The following MAML2 variants were observed in gnomAD, a reference collection of about 807,000 sequenced individuals.
The protein encoded by MAML2 is mastermind-like protein 2.
MAML2 carries 22 observed loss-of-function variants against 96.1 expected under a neutral mutation model. The observed-to-expected ratio is 0.23, with a 90% CI of 0.16 to 0.33. The LOEUF is 0.33. Among genes scored for constraint, MAML2 ranks in the 10% least tolerant of loss-of-function variants. MAML2 has a pLI of 1.00. For missense variants in MAML2, 1,367 were observed against 1,392.4 expected (o/e 0.98, Z 0.29); for synonymous variants, 561 against 521.3 (o/e 1.08, Z -1.04).
intron 2 of MAML2, among the ~76,000 whole-genome samples, chr11:96,057,851 A>G (rs778945214): frequency 7.2e-5 from 11 of 152,232 alleles, no homozygotes; most frequent in Admixed American, 1.3e-4. Context: ...ACTGAGAGTG[A>G]TCTTTAAGGA....
At position 95,979,375 on chromosome 11, in the gene MAML2, G is replaced by A. The variant is rs773951273; in HGVS notation, c.3044C>T (p.Ala1015Val). The A allele has an allele frequency of 1.9e-6, 3 of 1,613,590 alleles. No homozygotes were observed. Among genetic ancestry groups the A allele is most frequent in the African/African-American group, 2.7e-5 (2 of 74,908 alleles). Residue 1015 changes from alanine to valine, a missense_variant, in exon 5 of 5, where the codon GCT becomes GTT. By Grantham distance (64) the Ala-to-Val change is moderately conservative (BLOSUM62 0). Coordinates refer to ENST00000524717, the MANE Select transcript of MAML2 (RefSeq NM_032427.4). Reference protein sequence around the residue: ...GSQQFSQRAVAPPNQLTPAVQ... With the variant: ...GSQQFSQRAVVPPNQLTPAVQ... ...TGCTGGTGTTAACTGGTTAGGAGGA[G>A]CCACTGCCCTCTGGGAAAATTGCTG...
At chr11:96,155,484 A>C (rs1860994361) in intron 1 of MAML2, among the ~76,000 whole-genome samples, 1 of 128,842 alleles carries the variant, frequency 7.8e-6, no homozygotes, top group Non-Finnish European at 1.6e-5. Flanking sequence ...AATACTACCC[A>C]CCTCATGGGC....
chr11:95,993,785 C>A (rs1197288098), intron 2 of MAML2, among the ~76,000 whole-genome samples: 1 of 152,188 alleles, frequency 6.6e-6, no homozygotes, highest in Non-Finnish European at 1.5e-5. Flanking sequence ...ACAGAGCTCA[C>A]CAGCTGCCTC....
chr11:96,100,745 T>C (rs1859913979), intron 1 of MAML2, among the ~76,000 whole-genome samples: 2 of 149,412 alleles, frequency 1.3e-5, no homozygotes, highest in South Asian at 2.1e-4. Context: ...CTTTTTTTTT[T>C]TTCTTTTTTT....
At chr11:95,991,928 C>T (rs1022501897) in intron 2 of MAML2, among the ~76,000 whole-genome samples, 4 of 152,082 alleles carry the variant, frequency 2.6e-5, no homozygotes, top group Non-Finnish European at 5.9e-5. Context: ...GGGTTAATGA[C>T]ATTAGGGCAC....
At chr11:96,233,414 T>C (rs368399400) in intron 1 of MAML2, among the ~76,000 whole-genome samples, 1 of 134,824 alleles carries the variant, frequency 7.4e-6, no homozygotes, top group South Asian at 2.3e-4. Context: ...TTTTTTTTTT[T>C]CTTAATTTAA....
At chr11:96,291,113 GC>G (rs1863202098) in intron 1 of MAML2, among the ~76,000 whole-genome samples, 2 of 121,878 alleles carry the variant, frequency 1.6e-5, no homozygotes, top group South Asian at 2.8e-4. Flanking sequence ...TTTTTCACAA[GC>G]CTTTTTTTTT....
intron 1 of MAML2, among the ~76,000 whole-genome samples, chr11:96,334,558 C>T (rs1863892779): frequency 1.3e-5 from 2 of 152,300 alleles, no homozygotes; most frequent in South Asian, 2.1e-4. Context: ...CCTCCTTACA[C>T]AAGCCAACTG....
At chr11:96,135,907 T>C (rs550787354) in intron 1 of MAML2, among the ~76,000 whole-genome samples, 1 of 152,124 alleles carries the variant, frequency 6.6e-6, no homozygotes, top group East Asian at 1.9e-4. Flanking sequence ...GTGGACTCCT[T>C]GCACCCAGCT....
intron 1 of MAML2, among the ~76,000 whole-genome samples, chr11:96,180,209 G>C (rs1210040995): frequency 6.6e-6 from 1 of 152,074 alleles, no homozygotes; most frequent in Non-Finnish European, 1.5e-5. Flanking sequence ...TTTTCTAAAG[G>C]ACCACAGCAA....
intron 2 of MAML2, among the ~76,000 whole-genome samples, chr11:96,014,834 A>G (rs1858317934): frequency 6.6e-6 from 1 of 152,134 alleles, no homozygotes; most frequent in Admixed American, 6.5e-5. Context: ...ACATTGAAGC[A>G]ATTTCCAAAT....
intron 1 of MAML2, among the ~76,000 whole-genome samples, chr11:96,291,027 G>GA (rs57652535): frequency 6.9e-6 from 1 of 145,834 alleles, no homozygotes; most frequent in South Asian, 2.2e-4. Context: ...AAAAAAACTT[G>GA]AAAAAAAGTT....
chr11:96,062,429 G>T (rs1458169000), intron 2 of MAML2, among the ~76,000 whole-genome samples: 2 of 152,170 alleles, frequency 1.3e-5, no homozygotes, highest in African/African-American at 4.8e-5. Flanking sequence ...AGCTTACATA[G>T]GCATCCAGCT....
rs146167503 is a variant in MAML2, at chr11:95,985,435, T to C, written c.2455+96A>G. 7.9e-5 allele frequency: 54 copies of C among 684,752 alleles called. No individual in the cohort carries two copies. In the East Asian group the frequency reaches 1.4e-3, roughly 17 times the overall value. 42.4% of individuals were successfully genotyped at this position (684,752 alleles called of 1,614,324 possible). A position where few individuals can be genotyped will look rare whatever the true frequency, so the allele number is the denominator to read the frequency against. On this transcript the variant is annotated intron_variant, in intron 4 of 4. Coordinates refer to ENST00000524717, the MANE Select transcript of MAML2 (RefSeq NM_032427.4). ...TGGGAGTTAGAAATTCTAAGAAAGATATTATAATCATATGTGAGTTACAGG... is the reference window on the plus strand; with the variant it reads ...TGGGAGTTAGAAATTCTAAGAAAGACATTATAATCATATGTGAGTTACAGG...
chr11:96,137,520 T>C (rs1056509858), intron 1 of MAML2, among the ~76,000 whole-genome samples: 3 of 152,252 alleles, frequency 2.0e-5, no homozygotes, highest in Non-Finnish European at 4.4e-5. Context: ...ACAACACATG[T>C]ACTGGGAGCC....
chr11:96,044,905 C>T (rs936631452), intron 2 of MAML2, among the ~76,000 whole-genome samples: 13 of 152,220 alleles, frequency 8.5e-5, no homozygotes, highest in Non-Finnish European at 1.5e-4. Flanking sequence ...GGATGACTTT[C>T]GTGAATCAGG....
rs117193475 is a variant in MAML2, at chr11:96,109,292, C to T, written c.514-15775G>A. Among the ~76,000 whole-genome samples, 38 of 152,238 alleles carry T rather than the reference C, an allele frequency of 2.5e-4. No individual in the cohort carries two copies. In the East Asian group the frequency reaches 4.8e-3, roughly 19 times the overall value. ...ATGCAGAAGTCTGGTCTGGCTTTGACGCCATGCAGAGGAACGTGGGCTTCA... is the reference window on the plus strand; with the variant it reads ...ATGCAGAAGTCTGGTCTGGCTTTGATGCCATGCAGAGGAACGTGGGCTTCA... On this transcript the variant is annotated intron_variant, in intron 1 of 4. Coordinates refer to ENST00000524717, the MANE Select transcript of MAML2 (RefSeq NM_032427.4).
intron 1 of MAML2, among the ~76,000 whole-genome samples, chr11:96,221,521 T>A (rs1239290010): frequency 6.6e-6 from 1 of 152,124 alleles, no homozygotes. Flanking sequence ...AAATTATTAC[T>A]CTGGGGAAAG....
intron 2 of MAML2, among the ~76,000 whole-genome samples, chr11:96,042,653 C>G (rs920640999): frequency 6.6e-6 from 1 of 151,940 alleles, no homozygotes; most frequent in African/African-American, 2.4e-5. Flanking sequence ...CCCATGAAGC[C>G]TTTTCTCCAT....
Sources: gnomAD v4.1 joint callset for allele counts (sites outside exome capture counted in the v4.1 genomes callset) on GRCh38, gnomAD v4.1.1 for gene constraint, MANE v1.5 for transcripts, NCBI Gene and HGNC (gene_info 2026-07-23, HGNC 2026-07-21) for gene names.